The following JMJD1C variants were observed in gnomAD, a reference collection of about 807,000 sequenced individuals.
JMJD1C encodes jumonji domain containing 1C, also known as jumonji domain-containing protein 1C.
JMJD1C carries 31 observed loss-of-function variants against 245.3 expected under a neutral mutation model. That is an observed-to-expected ratio of 0.13 (90% CI 0.09 to 0.17). The LOEUF (loss-of-function observed/expected upper bound fraction) is 0.17. Among genes scored for constraint, JMJD1C ranks in the 10% least tolerant of loss-of-function variants. The probability of loss-of-function intolerance (pLI) is 1.00; values close to 1 mark genes in which losing one functional copy is unlikely to be tolerated. For missense variants in JMJD1C, 2,691 were observed against 3,000.2 expected, an observed-to-expected ratio of 0.90 and a Z score of 2.41; for synonymous variants, 1,057 against 1,017.4, an observed-to-expected ratio of 1.04 and a Z score of -0.74.
chr10:63,303,899 C>T (rs1485747994), intron 2 of JMJD1C, among the ~76,000 whole-genome samples: 1 of 152,044 alleles, frequency 6.6e-6, no homozygotes, highest in African/African-American at 2.4e-5. Context: ...TTTCCAGATA[C>T]TCTAAATTCA....
At chr10:63,479,253 G>C (rs964949393) in intron 1 of JMJD1C, among the ~76,000 whole-genome samples, 4 of 148,898 alleles carry the variant, frequency 2.7e-5, no homozygotes, top group African/African-American at 9.9e-5. Flanking sequence ...CCAACAAATT[G>C]CCAATCTTAT....
chr10:63,339,452 T>C (rs1424019738), intron 2 of JMJD1C, among the ~76,000 whole-genome samples: 3 of 152,054 alleles, frequency 2.0e-5, no homozygotes, highest in East Asian at 1.9e-4. Context: ...GCTGAGATAA[T>C]GACTAGAGTA....
intron 2 of JMJD1C, among the ~76,000 whole-genome samples, chr10:63,284,057 G>GCT (rs1857701401): frequency 6.6e-6 from 1 of 151,064 alleles, no homozygotes; most frequent in Non-Finnish European, 1.5e-5. Flanking sequence ...ACGGAGTCTC[G>GCT]CTCTGTCACT....
rs1451406680 is a variant in JMJD1C, at chr10:63,215,615, C to T, written c.760G>A (p.Glu254Lys). 1 of 1,611,566 alleles carries T rather than the reference C, an allele frequency of 6.2e-7. No homozygotes were observed. ...CGTCGTGATGTAATGCCAATATTTTCACCTTTTAACAAAGAGTGAACAACA... is the reference window on the plus strand; with the variant it reads ...CGTCGTGATGTAATGCCAATATTTTTACCTTTTAACAAAGAGTGAACAACA... ...DDVVHSLLKGENIGITSRRRS... is the reference protein window; with the variant it reads ...DDVVHSLLKGKNIGITSRRRS... The change falls in exon 6 of 26, where the codon GAA (glutamate) becomes AAA (lysine). Residue 254 changes from glutamate (E) to lysine (K), a missense_variant. Coordinates refer to ENST00000399262, the MANE Select transcript of JMJD1C (RefSeq NM_032776.3).
At chr10:63,210,386 T>A (rs575266613) in intron 8 of JMJD1C, among the ~76,000 whole-genome samples, 1 of 152,224 alleles carries the variant, frequency 6.6e-6, no homozygotes, top group East Asian at 1.9e-4. Context: ...CTCCTTTATG[T>A]TGTAATTTTA....
At chr10:63,387,628 A>ATTTTTTTTTTTTTTTTTTTTTTT (rs1564863555) in intron 1 of JMJD1C, among the ~76,000 whole-genome samples, 1 of 18,594 alleles carries the variant, frequency 5.4e-5, no homozygotes, top group African/African-American at 1.0e-4. Flanking sequence ...AGAAAAAAAA[A>ATTTTTTTTTTTTTTTTTTTTTTT]ATTTTTTTTT....
intron 1 of JMJD1C, among the ~76,000 whole-genome samples, chr10:63,483,741 C>T (rs994724426): frequency 4.6e-5 from 7 of 152,128 alleles, no homozygotes; most frequent in Non-Finnish European, 7.4e-5. Flanking sequence ...TTATACTTAC[C>T]TGATTCTCTG....
intron 2 of JMJD1C, among the ~76,000 whole-genome samples, chr10:63,289,418 TA>T (rs1858380137): frequency 6.6e-6 from 1 of 152,106 alleles, no homozygotes; most frequent in African/African-American, 2.4e-5. Context: ...ATGAATGAAA[TA>T]AAAAAATGTA....
intron 2 of JMJD1C, among the ~76,000 whole-genome samples, chr10:63,363,252 C>CTTTTTT (rs71463517): frequency 4.0e-5 from 4 of 99,860 alleles, no homozygotes; most frequent in Non-Finnish European, 5.9e-5. Flanking sequence ...TCATACAATT[C>CTTTTTT]TTTTTTTTTT....
At chr10:63,168,983 T>A in intron 24 of JMJD1C, among the ~76,000 whole-genome samples, 1 of 152,202 alleles carries the variant, frequency 6.6e-6, no homozygotes, top group East Asian at 1.9e-4. Context: ...CATTTCACTG[T>A]TAACTCTTAC....
At chr10:63,444,215 G>A (rs941906203) in intron 1 of JMJD1C, among the ~76,000 whole-genome samples, 4 of 152,126 alleles carry the variant, frequency 2.6e-5, no homozygotes, top group Non-Finnish European at 4.4e-5. Flanking sequence ...AATAAAAAGT[G>A]ATGCATCTCA....
At chr10:63,248,499 C>A in intron 3 of JMJD1C, among the ~76,000 whole-genome samples, 1 of 145,530 alleles carries the variant, frequency 6.9e-6, no homozygotes, top group Non-Finnish European at 1.5e-5. Context: ...CCAGCCTGGG[C>A]AACAGAATGA....
intron 2 of JMJD1C, among the ~76,000 whole-genome samples, chr10:63,372,572 A>G (rs768844917): frequency 1.3e-5 from 2 of 152,208 alleles, no homozygotes; most frequent in Non-Finnish European, 2.9e-5. Flanking sequence ...TGATATTATC[A>G]TATGTTAATA....
At position 63,247,607 on chromosome 10, in the gene JMJD1C, C is replaced by G. The variant is rs147490439; in HGVS notation, c.447+17044G>C. ...CATACAAAATGTATGGTTGTGCATG[C>G]CTGTAGTCCCAGCTACTTGGAGGTT... is the stretch of plus-strand genomic sequence containing the variant. On this transcript the variant is annotated intron_variant, in intron 3 of 25. Coordinates refer to ENST00000399262, the MANE Select transcript of JMJD1C (RefSeq NM_032776.3). Among the ~76,000 whole-genome samples, 7 of 149,366 alleles carry G rather than the reference C, an allele frequency of 4.7e-5. No homozygotes were observed. In the East Asian group the frequency reaches 1.4e-3, roughly 30 times the overall value.
chr10:63,313,480 C>T (rs1589450690), intron 2 of JMJD1C, among the ~76,000 whole-genome samples: 2 of 152,112 alleles, frequency 1.3e-5, no homozygotes, highest in East Asian at 3.8e-4. Context: ...CTGCTGGATC[C>T]CACTACTGGG....
chr10:63,223,178 C>A, intron 3 of JMJD1C: 1 of 536,006 alleles, frequency 1.9e-6, no homozygotes, highest in South Asian at 3.0e-5. Context: ...ACATAACCAT[C>A]CATATACCTT....
intron 1 of JMJD1C, among the ~76,000 whole-genome samples, chr10:63,517,678 C>T (rs534649473): frequency 6.6e-6 from 1 of 152,048 alleles, no homozygotes; most frequent in African/African-American, 2.4e-5. Flanking sequence ...TTCAAGCACT[C>T]CAAGAGACCA....
chr10:63,273,597 A>T (rs1238770332), intron 2 of JMJD1C, among the ~76,000 whole-genome samples: 1 of 152,180 alleles, frequency 6.6e-6, no homozygotes. Flanking sequence ...TATGGCTTAT[A>T]CCTTCTTTAC....
intron 1 of JMJD1C, among the ~76,000 whole-genome samples, chr10:63,441,796 T>G (rs915231420): frequency 2.0e-5 from 3 of 152,220 alleles, no homozygotes; most frequent in Non-Finnish European, 4.4e-5. Context: ...ATTCTCATTA[T>G]TCAATCACTT....
Sources: allele counts gnomAD v4.1 joint callset (sites outside exome capture counted in the v4.1 genomes callset), GRCh38; gene constraint gnomAD v4.1.1; transcripts MANE v1.5; gene names NCBI Gene and HGNC (gene_info 2026-07-23, HGNC 2026-07-21).